The following GPHN variants were observed in gnomAD, a reference collection of about 807,000 sequenced individuals.
GPHN encodes the protein gephyrin.
A neutral mutation model predicts 95.5 loss-of-function variants in GPHN; 17 were observed. That is an observed-to-expected ratio of 0.18 (90% CI 0.12 to 0.27). The LOEUF is 0.27. Among genes scored for constraint, GPHN ranks in the 10% least tolerant of loss-of-function variants. GPHN has a pLI of 1.00. For missense variants in GPHN, 660 were observed against 978.1 expected, an observed-to-expected ratio of 0.67 and a Z score of 4.34; for synonymous variants, 320 against 322.5, an observed-to-expected ratio of 0.99 and a Z score of 0.08.
intron 1 of GPHN, among the ~76,000 whole-genome samples, chr14:66,513,218 T>A (rs1372453285): frequency 6.6e-6 from 1 of 151,814 alleles, no homozygotes; most frequent in African/African-American, 2.4e-5. Context: ...ATTTTAACTA[T>A]ATTAAAAACA....
chr14:67,551,886 A>AG, the GPHN span, among the ~76,000 whole-genome samples: 1 of 151,828 alleles, frequency 6.6e-6, no homozygotes, highest in African/African-American at 2.4e-5. Flanking sequence ...AAAAAAAAAA[A>AG]GAATGTTGAA....
intron 1 of GPHN, among the ~76,000 whole-genome samples, chr14:66,581,457 A>G (rs1359016920): frequency 6.6e-6 from 1 of 151,974 alleles, no homozygotes; most frequent in Non-Finnish European, 1.5e-5. Flanking sequence ...AAAATCCTCT[A>G]ACCATAAAGG....
intron 9 of GPHN, among the ~76,000 whole-genome samples, chr14:67,007,798 T>G (rs772024864): frequency 6.6e-6 from 1 of 152,136 alleles, no homozygotes; most frequent in South Asian, 2.1e-4. Flanking sequence ...CTTTGCTTTA[T>G]AGAGTCATAT....
At chr14:67,312,987 G>C in the GPHN span, among the ~76,000 whole-genome samples, 310 of 152,136 alleles carry the variant, frequency 2.0e-3, no homozygotes, top group African/African-American at 7.0e-3. Context: ...TATTATCGAG[G>C]CAATACAACT....
At chr14:67,670,588 A>T in the GPHN span, among the ~76,000 whole-genome samples, 1 of 151,056 alleles carries the variant, frequency 6.6e-6, no homozygotes, top group African/African-American at 2.4e-5. Flanking sequence ...TCTGAGATAG[A>T]GTCTCGCTCT....
chr14:66,900,983 T>C (rs2065101398), intron 5 of GPHN, among the ~76,000 whole-genome samples: 1 of 152,100 alleles, frequency 6.6e-6, no homozygotes, highest in South Asian at 2.1e-4. Flanking sequence ...CCATAGTGGC[T>C]CTACTAATTT....
At chr14:67,434,970 C>CT in the GPHN span, among the ~76,000 whole-genome samples, 2,795 of 138,076 alleles carry the variant, frequency 0.02, 73 homozygotes, top group African/African-American at 0.059. Context: ...TTCTCTCTCT[C>CT]TTTTTTTTTT....
intron 11 of GPHN, among the ~76,000 whole-genome samples, chr14:67,078,332 T>C (rs1468966791): frequency 6.6e-6 from 1 of 152,176 alleles, no homozygotes; most frequent in Non-Finnish European, 1.5e-5. Context: ...TTTTCTGAAA[T>C]TACATTTTTC....
At chr14:67,523,071 T>A in the GPHN span, among the ~76,000 whole-genome samples, 1 of 152,100 alleles carries the variant, frequency 6.6e-6, no homozygotes, top group Non-Finnish European at 1.5e-5. Flanking sequence ...ATGCCTATAA[T>A]CCCAGCACTT....
intron 1 of GPHN, among the ~76,000 whole-genome samples, chr14:66,670,611 G>A (rs1364328300): frequency 2.6e-5 from 4 of 152,078 alleles, no homozygotes; most frequent in Admixed American, 6.6e-5. Flanking sequence ...GAGCAACAGC[G>A]AAACCCAGTC....
chr14:66,590,811 A>G (rs1026535596), intron 1 of GPHN, among the ~76,000 whole-genome samples: 4 of 152,212 alleles, frequency 2.6e-5, no homozygotes, highest in African/African-American at 9.6e-5. Flanking sequence ...TTTTGAGACC[A>G]GTATCATCCT....
At chr14:66,657,454 A>G (rs887644762) in intron 1 of GPHN, among the ~76,000 whole-genome samples, 1 of 152,224 alleles carries the variant, frequency 6.6e-6, no homozygotes, top group African/African-American at 2.4e-5. Flanking sequence ...ATATAGATGA[A>G]ATAGCCTTCT....
At chr14:67,462,859 G>A in the GPHN span, among the ~76,000 whole-genome samples, 1 of 152,162 alleles carries the variant, frequency 6.6e-6, no homozygotes, top group Non-Finnish European at 1.5e-5. Context: ...CTTGGCCTGG[G>A]GAGAAGAGGA....
chr14:67,496,251 A>G, the GPHN span, among the ~76,000 whole-genome samples: 3 of 151,900 alleles, frequency 2.0e-5, no homozygotes, highest in East Asian at 5.8e-4. Flanking sequence ...AGGTTATGAG[A>G]CTGGCTAATT....
intron 18 of GPHN, among the ~76,000 whole-genome samples, chr14:67,152,642 G>A (rs1338141859): frequency 6.6e-6 from 1 of 152,140 alleles, no homozygotes; most frequent in African/African-American, 2.4e-5. Context: ...TCTCCACTGG[G>A]CAGAATTCAT....
At chr14:67,173,840 G>GA (rs2140120000) in intron 21 of GPHN, among the ~76,000 whole-genome samples, 2 of 151,858 alleles carry the variant, frequency 1.3e-5, no homozygotes, top group East Asian at 3.9e-4. Context: ...ATATAAATGA[G>GA]AAATTCAGCA....
intron 16 of GPHN, among the ~76,000 whole-genome samples, chr14:67,117,062 C>G (rs2078738272): frequency 6.6e-6 from 1 of 152,114 alleles, no homozygotes; most frequent in African/African-American, 2.4e-5. Context: ...ATTAAGTTTT[C>G]TAGAAGACAG....
At chr14:67,524,083 G>A in the GPHN span, among the ~76,000 whole-genome samples, 1 of 152,148 alleles carries the variant, frequency 6.6e-6, no homozygotes. Flanking sequence ...CCTTGTAAAT[G>A]CCCTGTAGTT....
At chr14:66,704,345 A>G (rs1200248439) in intron 2 of GPHN, among the ~76,000 whole-genome samples, 1 of 152,154 alleles carries the variant, frequency 6.6e-6, no homozygotes, top group Non-Finnish European at 1.5e-5. Flanking sequence ...TCTCCACCCT[A>G]AATCAACAGA....
Sources: allele counts gnomAD v4.1 joint callset (sites outside exome capture counted in the v4.1 genomes callset), GRCh38; gene constraint gnomAD v4.1.1; transcripts MANE v1.5; gene names NCBI Gene and HGNC (gene_info 2026-07-23, HGNC 2026-07-21).